Variants in KLHL3 observed in about 807,000 individuals in gnomAD.
KLHL3 encodes kelch like family member 3.
KLHL3 carries 19 observed loss-of-function variants against 70.5 expected under a neutral mutation model. The ratio of observed to expected loss-of-function variants is 0.27; its 90% CI spans 0.19 to 0.40. KLHL3 has a LOEUF of 0.40. Ranked by LOEUF, KLHL3 falls within the 10% of genes least tolerant of loss-of-function variation. The probability of loss-of-function intolerance (pLI) is 1.00; values close to 1 mark genes in which losing one functional copy is unlikely to be tolerated. For synonymous variants in KLHL3, 258 were observed against 290.3 expected (o/e 0.89, Z 1.13); for missense variants, 512 against 771.1 (o/e 0.66, Z 3.98).
chr5:137,640,019 T>G, intron 8 of KLHL3, 42 bp from the exon 9 acceptor site: 1 of 1,538,372 alleles, frequency 6.5e-7, no homozygotes, highest in Non-Finnish European at 9.0e-7. Context: ...CACCCCAAAA[T>G]CTGGATTTAT....
chr5:137,623,790 A>T (rs935225129), intron 14 of KLHL3, among the ~76,000 whole-genome samples: 3 of 152,206 alleles, frequency 2.0e-5, no homozygotes, highest in South Asian at 2.1e-4. Context: ...GGCTTAGTCT[A>T]ATTTTATTCC....
chr5:137,708,038 GA>G (rs139169462), intron 3 of KLHL3, among the ~76,000 whole-genome samples: 5 of 152,066 alleles, frequency 3.3e-5, no homozygotes, highest in South Asian at 2.1e-4. Flanking sequence ...AGGAAAGGGG[GA>G]AAAAAGGAAA....
At position 137,698,383 on chromosome 5, in the gene KLHL3, T is replaced by C. The variant is rs754652688; in HGVS notation, c.267A>G (p.Lys89=). The C allele has an allele frequency of 1.9e-6, 3 of 1,614,114 alleles. No individual in the cohort carries two copies. Among genetic ancestry groups the C allele is most frequent in the Non-Finnish European group, 2.5e-6 (3 of 1,180,048 alleles). ...CATCCACGTCCTTGATTTCTATCTT[T>C]TTGGCTTTACTCTCAGACATGTCAC... ...FTGDMSESKA[K]KIEIKDVDGQ... is the part of the protein sequence containing the mutation. Residue 89 remains lysine, a synonymous_variant, in exon 4 of 15, where the codon AAA becomes AAG. Transcript: ENST00000309755.
intron 2 of KLHL3, among the ~76,000 whole-genome samples, chr5:137,716,431 G>A (rs945824223): frequency 2.6e-5 from 4 of 152,258 alleles, no homozygotes; most frequent in African/African-American, 9.6e-5. Flanking sequence ...GTTACAGCCT[G>A]CAGGGTGGCT....
Position 137,639,797 on chromosome 5 carries a change from C to T in KLHL3, c.1021+63G>A, listed in dbSNP as rs1750865636. 2.4e-6 allele frequency: 3 copies of T among 1,264,378 alleles called. No individual in the cohort carries two copies. In the South Asian group the frequency reaches 3.6e-5, roughly 15 times the overall value. 78.3% of individuals were successfully genotyped at this position (1,264,378 alleles called of 1,614,324 possible). ...TGAGGAAACAAGGAGTAGCTCACGA[C>T]TTCTGGCACGGAGTGGGGACCAGCA... On this transcript the variant is annotated intron_variant, in intron 9 of 14. Coordinates refer to ENST00000309755, the MANE Select transcript of KLHL3 (RefSeq NM_017415.3). The surrounding 1 kb of genome is among the most constrained non-coding windows in gnomAD (Gnocchi z 5.0).
chr5:137,679,949 C>A (rs970191445), intron 5 of KLHL3, among the ~76,000 whole-genome samples: 4 of 152,244 alleles, frequency 2.6e-5, no homozygotes, highest in African/African-American at 4.8e-5. Context: ...GAGGAAAATG[C>A]CTTCCCGTTT....
chr5:137,620,842 TG>T lies in KLHL3; in HGVS notation c.*1255del, dbSNP rs1343475739. 6.6e-6 allele frequency: 1 copy of T among 152,076 alleles called. No individual in the cohort carries two copies. The highest frequency in any genetic ancestry group is 1.5e-5 in the Non-Finnish European group (1 of 68,018). The allele number at this position is 152,076 out of a possible 1,614,324, so 9.4% of individuals were successfully genotyped here. The stretch of plus-strand genomic sequence containing the variant: ...AAGCAGTAGTGGGGTTCTTGGGGGT[TG>T]GGGAGAGGGTGCACACCCTGGAATA... On this transcript the variant is annotated 3_prime_UTR_variant, in exon 15 of 15. Transcript: ENST00000309755.
chr5:137,656,865 C>T (rs1025305400), intron 8 of KLHL3, among the ~76,000 whole-genome samples: 5 of 152,262 alleles, frequency 3.3e-5, no homozygotes, highest in African/African-American at 1.2e-4. Context: ...GGTTCTACCA[C>T]ATTAGCTGTG....
intron 5 of KLHL3, among the ~76,000 whole-genome samples, chr5:137,678,169 C>T (rs555376299): frequency 6.6e-6 from 1 of 152,230 alleles, no homozygotes; most frequent in African/African-American, 2.4e-5. Context: ...GTCAAGCCTA[C>T]TATTGTGAGT....
chr5:137,693,966 T>C (rs1752385356), intron 4 of KLHL3, among the ~76,000 whole-genome samples: 1 of 152,022 alleles, frequency 6.6e-6, no homozygotes, highest in South Asian at 2.1e-4. Flanking sequence ...GGCCAAAAAC[T>C]CTGCCCCACT....
chr5:137,710,661 C>A (rs994807302), intron 2 of KLHL3, among the ~76,000 whole-genome samples: 2 of 152,164 alleles, frequency 1.3e-5, no homozygotes, highest in African/African-American at 4.8e-5. Context: ...TAGGGTGCCA[C>A]AAGCTCCCAT....
intron 3 of KLHL3, among the ~76,000 whole-genome samples, chr5:137,708,520 T>G (rs1163307196): frequency 6.6e-6 from 1 of 152,166 alleles, no homozygotes; most frequent in Non-Finnish European, 1.5e-5. Flanking sequence ...GATACTTCAC[T>G]CACTCATTTA....
rs1277437518 is a variant in KLHL3 at position 137,639,732 on chromosome 5, C to T, written c.1021+128G>A. ...CAACCAAAAAAAAAAAAAAAGTGTG[C>T]AGGAGGGAAACGAATGGGAGCCTGA... is the stretch of plus-strand genomic sequence containing the variant. On this transcript the variant is annotated intron_variant, in intron 9 of 14. Coordinates refer to ENST00000309755, the MANE Select transcript of KLHL3 (RefSeq NM_017415.3). The surrounding 1 kb of genome is among the most constrained non-coding windows in gnomAD (Gnocchi z 5.0). The T allele has an allele frequency of 8.2e-6, 5 of 613,402 alleles. No individual in the cohort carries two copies. Among genetic ancestry groups the T allele is most frequent in the Non-Finnish European group, 1.1e-5 (4 of 356,760 alleles). The allele number at this position is 613,402 out of a possible 1,614,324, so 38.0% of individuals were successfully genotyped here.
At chr5:137,624,862 C>A (rs1476794878) in intron 14 of KLHL3, among the ~76,000 whole-genome samples, 13 of 152,174 alleles carry the variant, frequency 8.5e-5, no homozygotes. Context: ...TCTGATGCCA[C>A]CCCTGCCCCT....
intron 6 of KLHL3, among the ~76,000 whole-genome samples, chr5:137,676,278 G>A (rs949656123): frequency 5.3e-5 from 8 of 152,188 alleles, no homozygotes; most frequent in South Asian, 4.1e-4. Context: ...TTCTCTGGAC[G>A]TGTGAATACA....
chr5:137,670,953 A>AG (rs35587825), intron 6 of KLHL3, among the ~76,000 whole-genome samples: 1 of 147,154 alleles, frequency 6.8e-6, no homozygotes, highest in African/African-American at 2.5e-5. Context: ...AGCCTGGGCA[A>AG]AGAGCGAGAC....
intron 8 of KLHL3, among the ~76,000 whole-genome samples, chr5:137,643,256 G>A (rs1031846281): frequency 2.6e-5 from 4 of 151,800 alleles, no homozygotes; most frequent in African/African-American, 9.7e-5. Flanking sequence ...GAAGGCTGAG[G>A]TGGCAGAATC....
chr5:137,669,864 G>A (rs1751707703), intron 6 of KLHL3, among the ~76,000 whole-genome samples: 1 of 152,354 alleles, frequency 6.6e-6, no homozygotes, highest in South Asian at 2.1e-4. Flanking sequence ...AATCCGGGCA[G>A]CTGAGTGGAA....
At chr5:137,625,976 A>G (rs970222522) in intron 13 of KLHL3, 80 bp from the exon 14 acceptor site, 2 of 1,558,042 alleles carry the variant, frequency 1.3e-6, no homozygotes, top group East Asian at 2.3e-5. Context: ...ACAAATCTGG[A>G]TAGCCTGGGA....
Sources: allele counts gnomAD v4.1 joint callset (sites outside exome capture counted in the v4.1 genomes callset), GRCh38; gene constraint gnomAD v4.1.1; non-coding constraint Gnocchi (gnomAD v3.1); transcripts MANE v1.5; gene names NCBI Gene and HGNC (gene_info 2026-07-23, HGNC 2026-07-21).